TJP2: variants seen among roughly 807,000 people sequenced by gnomAD.
TJP2 encodes the protein tight junction protein 2.
Under a neutral mutation model 133.1 loss-of-function variants are expected in TJP2, and 91 were observed. The ratio of observed to expected loss-of-function variants is 0.68; its 90% CI spans 0.58 to 0.81. The LOEUF is 0.81. TJP2 is among the 40% of genes least tolerant of loss of function. The pLI is 0.00. For synonymous variants in TJP2, 592 were observed against 583.4 expected, an observed-to-expected ratio of 1.01 and a Z score of -0.21; for missense variants, 1,541 against 1,565.6, an observed-to-expected ratio of 0.98 and a Z score of 0.26.
intron 11 of TJP2, among the ~76,000 whole-genome samples, chr9:69,231,300 G>A (rs1829761009): frequency 6.6e-6 from 1 of 152,062 alleles, no homozygotes; most frequent in African/African-American, 2.4e-5. Flanking sequence ...GTTTCATCAT[G>A]TTGCCCAGGC....
intron 11 of TJP2, among the ~76,000 whole-genome samples, chr9:69,231,692 A>G (rs1345936084): frequency 6.6e-6 from 1 of 152,138 alleles, no homozygotes; most frequent in African/African-American, 2.4e-5. Flanking sequence ...GAGCTTTGCA[A>G]AAGCTTTTCA....
At chr9:69,176,114 C>T (rs1035619659) in intron 1 of TJP2, among the ~76,000 whole-genome samples, 2 of 152,178 alleles carry the variant, frequency 1.3e-5, no homozygotes, top group African/African-American at 2.4e-5. Flanking sequence ...CTCTGCAATA[C>T]AGAAATTTAG....
intron 1 of TJP2, among the ~76,000 whole-genome samples, chr9:69,147,143 T>C (rs1255037608): frequency 3.3e-5 from 5 of 152,206 alleles, no homozygotes; most frequent in Admixed American, 2.6e-4. Context: ...GAAAACATTG[T>C]AATGACTAAA....
intron 17 of TJP2, among the ~76,000 whole-genome samples, chr9:69,240,793 C>T: frequency 6.6e-6 from 1 of 150,536 alleles, no homozygotes; most frequent in Non-Finnish European, 1.5e-5. Flanking sequence ...TGAGTGAGAC[C>T]CTGTCTCTTC....
chr9:69,151,729 CAGG>C, exon 2 of TJP2: 3 of 1,232,088 alleles, frequency 2.4e-6, no homozygotes, highest in Non-Finnish European at 3.0e-6. Context: ...GCAAGTACTC[CAGG>C]AAGCACAGAG....
chr9:69,249,391 G>A lies in TJP2; in HGVS notation c.2897G>A (p.Ser966Asn), dbSNP rs374359318. 29 of 1,610,400 alleles carry A rather than the reference G, an allele frequency of 1.8e-5. No individual in the cohort carries two copies. The highest frequency in any genetic ancestry group is 1.1e-5 in the South Asian group (1 of 90,190). Residue 966 changes from serine to asparagine, a missense_variant, in exon 20 of 23, where the codon AGC becomes AAC. Physicochemically the swap from Ser to Asn is conservative, Grantham distance 46 (BLOSUM62 1). Coordinates refer to ENST00000377245, the MANE Select transcript of TJP2 (RefSeq NM_004817.4). Reference sequence around the variant, plus strand: ...GTCTTGTAGAGCATAAGGAAACCCAGCCCAGAGCCACGAGCTCAGATGAGG... The same window carrying A: ...GTCTTGTAGAGCATAAGGAAACCCAACCCAGAGCCACGAGCTCAGATGAGG... ...VQHEESIRKP[S>N]PEPRAQMRRA...
At chr9:69,121,828 A>T (rs1822157877) in intron 1 of TJP2, 1 of 152,348 alleles carries the variant, frequency 6.6e-6, no homozygotes, top group Non-Finnish European at 1.5e-5. Context: ...CGTCGCCGGG[A>T]TGCCTTCCCT....
intron 19 of TJP2, 130 bp downstream of exon 19, chr9:69,248,354 T>G: frequency 6.9e-7 from 1 of 1,447,680 alleles, no homozygotes; most frequent in Non-Finnish European, 9.1e-7. Context: ...TTCCAGGGAG[T>G]CTCTCGCTTT....
chr9:69,152,558 G>C (rs1398069116), intron 2 of TJP2, among the ~76,000 whole-genome samples: 1 of 152,094 alleles, frequency 6.6e-6, no homozygotes, highest in Non-Finnish European at 1.5e-5. Context: ...TCAGATCCTA[G>C]TCCTGCTGCC....
At chr9:69,154,137 C>T (rs1823620511) in intron 2 of TJP2, among the ~76,000 whole-genome samples, 2 of 152,194 alleles carry the variant, frequency 1.3e-5, no homozygotes, top group South Asian at 4.1e-4. Context: ...CCCCTGACTT[C>T]CAAGTTCAGT....
At chr9:69,170,978 G>T (rs947626596), upstream of TJP2, among the ~76,000 whole-genome samples, 2 of 152,128 alleles carry the variant, frequency 1.3e-5, no homozygotes, top group Non-Finnish European at 2.9e-5. Flanking sequence ...ATACTCATCA[G>T]TGCCTAGCAC....
chr9:69,204,455 G>T (rs1304222783), intron 1 of TJP2, among the ~76,000 whole-genome samples: 3 of 152,124 alleles, frequency 2.0e-5, no homozygotes. Context: ...CCTAAAATTT[G>T]CTTCTCCACC....
At position 69,254,197 on chromosome 9, in the gene TJP2, T is replaced by G. The variant is rs967210541; in HGVS notation, c.3408-12T>G. ...GTGCTCTGGAATGTCTTTAACACCCTTTTTTTGTTAGTTCCAGACCCCCTG... is the reference window on the plus strand; with the variant it reads ...GTGCTCTGGAATGTCTTTAACACCCGTTTTTTGTTAGTTCCAGACCCCCTG... On this transcript the variant is annotated splice_polypyrimidine_tract_variant and intron_variant, in intron 22 of 22. Coordinates refer to ENST00000377245, the MANE Select transcript of TJP2 (RefSeq NM_004817.4). 1.2e-6 allele frequency: 2 copies of G among 1,613,660 alleles called. No individual in the cohort carries two copies. The highest frequency in any genetic ancestry group is 1.7e-6 in the Non-Finnish European group (2 of 1,179,660).
At chr9:69,179,726 C>T (rs1049993578) in intron 1 of TJP2, among the ~76,000 whole-genome samples, 5 of 151,988 alleles carry the variant, frequency 3.3e-5, no homozygotes, top group African/African-American at 1.2e-4. Flanking sequence ...GTCTTGATCT[C>T]CTGACCTCGT....
intron 13 of TJP2, 100 bp downstream of exon 13, chr9:69,236,338 G>A: frequency 8.5e-7 from 1 of 1,171,914 alleles, no homozygotes; most frequent in South Asian, 1.3e-5. Context: ...CCCACATGAT[G>A]AGTTCATTAC....
intron 1 of TJP2, among the ~76,000 whole-genome samples, chr9:69,199,804 A>G (rs55786300): frequency 0.018 from 2,678 of 152,216 alleles, 42 homozygotes; most frequent in Middle Eastern, 0.031. Flanking sequence ...GACATTGTTC[A>G]TGGAGACGAG....
At chr9:69,161,342 C>T (rs1824061096) in intron 2 of TJP2, among the ~76,000 whole-genome samples, 1 of 152,142 alleles carries the variant, frequency 6.6e-6, no homozygotes, top group African/African-American at 2.4e-5. Context: ...CATTCTCCTG[C>T]CTCAGCCTCC....
At chr9:69,222,071 C>T (rs560301689) in intron 5 of TJP2, among the ~76,000 whole-genome samples, 3 of 151,828 alleles carry the variant, frequency 2.0e-5, no homozygotes, top group East Asian at 1.9e-4. Flanking sequence ...GGGGTTTCAC[C>T]GTGTTGGCCA....
intron 1 of TJP2, among the ~76,000 whole-genome samples, chr9:69,124,102 G>T (rs1822250310): frequency 1.3e-5 from 1 of 74,996 alleles, no homozygotes; most frequent in East Asian, 4.0e-4. Context: ...GGATGGTCTT[G>T]ATCTCCTGAC....
Sources: allele counts gnomAD v4.1 joint callset (sites outside exome capture counted in the v4.1 genomes callset), GRCh38; gene constraint gnomAD v4.1.1; transcripts MANE v1.5; gene names NCBI Gene and HGNC (gene_info 2026-07-23, HGNC 2026-07-21).